PARP1: variants seen among roughly 807,000 people sequenced by gnomAD.
PARP1 encodes poly(ADP-ribose) polymerase 1, also known as poly [ADP-ribose] polymerase 1.
Under a neutral mutation model 118.7 loss-of-function variants are expected in PARP1, and 44 were observed. The ratio of observed to expected loss-of-function variants is 0.37; its 90% confidence interval spans 0.29 to 0.48. The LOEUF (loss-of-function observed/expected upper bound fraction) is 0.48. Among genes scored for constraint, PARP1 ranks in the 20% least tolerant of loss-of-function variants. PARP1 has a pLI of 0.99. For missense variants in PARP1, 1,100 were observed against 1,272.4 expected (o/e 0.86, Z 2.06); for synonymous variants, 492 against 483.2 (o/e 1.02, Z -0.24).
At chr1:226,371,222 C>G (rs1241590026) in intron 14 of PARP1, 2 of 155,442 alleles carry the variant, frequency 1.3e-5, no homozygotes, top group African/African-American at 4.8e-5. Flanking sequence ...TTTGGCTCAG[C>G]CCCTGCGTGG....
intron 10 of PARP1, 97 bp downstream of exon 10, chr1:226,379,825 C>T (rs1162338227): frequency 6.3e-7 from 1 of 1,580,384 alleles, no homozygotes; most frequent in Non-Finnish European, 8.7e-7. Context: ...CTCAACAGGC[C>T]ATGTCAGGGA....
intron 18 of PARP1, 123 bp downstream of exon 18, chr1:226,365,831 G>T: frequency 1.4e-6 from 1 of 690,012 alleles, no homozygotes; most frequent in Non-Finnish European, 2.7e-6. Flanking sequence ...GAACAAATGA[G>T]TCACTTCTTT....
chr1:226,385,248 A>G (rs1234122214), intron 7 of PARP1, among the ~76,000 whole-genome samples: 1 of 152,214 alleles, frequency 6.6e-6, no homozygotes, highest in African/African-American at 2.4e-5. Context: ...TTCAATAGAT[A>G]AAAACTATTC....
At chr1:226,386,175 G>A in intron 6 of PARP1, 151 bp downstream of exon 6, 1 of 689,808 alleles carries the variant, frequency 1.4e-6, no homozygotes, top group East Asian at 2.7e-5. Context: ...TGGTGGTGAT[G>A]ACCGTGCAAC....
chr1:226,366,927 G>GTC, intron 17 of PARP1: 1 of 186,712 alleles, frequency 5.4e-6, no homozygotes, highest in Non-Finnish European at 1.1e-5. Flanking sequence ...TCAAGGACCG[G>GTC]GCCATCTAGA....
At chr1:226,398,995 CTG>C in intron 2 of PARP1, among the ~76,000 whole-genome samples, 1 of 151,840 alleles carries the variant, frequency 6.6e-6, no homozygotes, top group Middle Eastern at 3.4e-3. Context: ...AATAAACAAA[CTG>C]TGGTAATCCA....
At chr1:226,386,580 A>G in intron 5 of PARP1, 138 bp from the exon 6 acceptor site, 2 of 755,268 alleles carry the variant, frequency 2.6e-6, no homozygotes, top group South Asian at 2.8e-5. Context: ...CTGGGTGATT[A>G]GCACAGGATT....
chr1:226,364,207 T>C, intron 19 of PARP1, 137 bp from the exon 20 acceptor site: 1 of 845,106 alleles, frequency 1.2e-6, no homozygotes, highest in Non-Finnish European at 2.0e-6. Context: ...ATGCCCATGG[T>C]GAGGAAATAC....
chr1:226,399,521 G>A (rs940529997), intron 2 of PARP1, among the ~76,000 whole-genome samples: 1 of 152,216 alleles, frequency 6.6e-6, no homozygotes, highest in African/African-American at 2.4e-5. Flanking sequence ...TTAGAGGGGA[G>A]GGAGGAATGA....
intron 1 of PARP1, among the ~76,000 whole-genome samples, chr1:226,407,417 A>G (rs1009385835): frequency 4.0e-5 from 6 of 151,694 alleles, no homozygotes; most frequent in Non-Finnish European, 8.8e-5. Context: ...CCATCCATGT[A>G]GAACAAAAAC....
chr1:226,401,163 T>TA (rs1453753178), intron 2 of PARP1, among the ~76,000 whole-genome samples: 1 of 152,242 alleles, frequency 6.6e-6, no homozygotes, highest in Non-Finnish European at 1.5e-5. Flanking sequence ...TTAGGAGGGA[T>TA]AAACAGGGGA....
In PARP1 at chr1:226,377,310, TG is replaced by T; in HGVS notation, c.1746-8del. The T allele has an allele frequency of 6.2e-7, 1 of 1,609,520 alleles. No individual in the cohort carries two copies. Among genetic ancestry groups the T allele is most frequent in the Admixed American group, 1.7e-5 (1 of 59,976 alleles). ...GGACCTGAATATCCAATACCTGCAG[TG>T]GGAAGGAGGGTGTCAGATACACATG... On this transcript the variant is annotated splice_polypyrimidine_tract_variant and splice_region_variant and intron_variant, in intron 12 of 22. Transcript: ENST00000366794.
In PARP1 at chr1:226,386,687, G is replaced by C. The variant is rs367723923; in HGVS notation, c.718-245C>G. 3.5e-4 allele frequency among the ~76,000 whole-genome samples: 53 copies of C among 152,230 alleles called. No homozygotes were observed. The South Asian group carries it at 5.2e-3, about 15-fold the overall frequency. ...GGTGATGAGGAAGCCCTAAGGGTGT[G>C]GGGGAGACTGCACCAAGGCTCCTGG... On this transcript the variant is annotated intron_variant, in intron 5 of 22. Transcript: ENST00000366794.
chr1:226,403,413 C>T (rs767740521), intron 1 of PARP1, among the ~76,000 whole-genome samples: 4 of 152,226 alleles, frequency 2.6e-5, no homozygotes, highest in Non-Finnish European at 5.9e-5. Context: ...CTTCTGACCT[C>T]GTGACCCGCC....
chr1:226,364,931 T>TG lies in PARP1; in HGVS notation c.2658+70dup, dbSNP rs901340145. 7 of 1,560,238 alleles carry TG rather than the reference T, an allele frequency of 4.5e-6. No individual in the cohort carries two copies. In the African/African-American group the frequency reaches 8.1e-5, roughly 18 times the overall value. ...ATCCCCCTAAACCAACTAGACCTCT[T>TG]GCTCAAAGTTCTTTATGGAGACACC... On this transcript the variant is annotated intron_variant, in intron 19 of 22. Transcript: ENST00000366794.
chr1:226,402,065 T>C (rs1665047228), intron 2 of PARP1, 149 bp downstream of exon 2: 3 of 1,558,244 alleles, frequency 1.9e-6, no homozygotes, highest in African/African-American at 2.7e-5. Flanking sequence ...CCAGGAGGTG[T>C]TGCTGAAATA....
chr1:226,406,688 A>G (rs1009303417), intron 1 of PARP1, among the ~76,000 whole-genome samples: 7 of 152,194 alleles, frequency 4.6e-5, no homozygotes, highest in African/African-American at 1.7e-4. Context: ...GAGTGCTTAG[A>G]ACTTAAAAAA....
At position 226,388,716 on chromosome 1, in the gene PARP1, C is replaced by G; in HGVS notation, c.657G>C (p.Val219=). The G allele has an allele frequency of 6.2e-7, 1 of 1,614,048 alleles. No homozygotes were observed. The part of the protein sequence containing the change: ...KGDEVDGVDE[V]AKKKSKKEKD... Reference sequence around the variant, plus strand: ...TTTCTTTTTTAGATTTCTTCTTCGCCACTTCATCCACTCCATCCACCTCAT... The same window carrying G: ...TTTCTTTTTTAGATTTCTTCTTCGCGACTTCATCCACTCCATCCACCTCAT... The change falls in exon 5 of 23, where the codon GTG becomes GTC. Residue 219 remains valine (V), a synonymous_variant. Transcript: ENST00000366794.
intron 17 of PARP1, chr1:226,366,490 C>A (rs535047191): frequency 1.8e-4 from 39 of 218,644 alleles, no homozygotes; most frequent in African/African-American, 8.9e-4. Flanking sequence ...ACAGGCCTAA[C>A]AAGCATCTGT....
Sources: gnomAD v4.1 joint callset for allele counts (sites outside exome capture counted in the v4.1 genomes callset) on GRCh38, gnomAD v4.1.1 for gene constraint, MANE v1.5 for transcripts, NCBI Gene and HGNC (gene_info 2026-07-23, HGNC 2026-07-21) for gene names.